Variants in GPC5 observed in about 807,000 individuals in gnomAD.
GPC5 encodes the protein glypican-5.
A neutral mutation model predicts 53.9 loss-of-function variants in GPC5; 47 were observed. The ratio of observed to expected loss-of-function variants is 0.87; its 90% CI spans 0.69 to 1.11. GPC5 has a LOEUF of 1.11. Ranked by LOEUF, GPC5 falls within the 50% of genes most tolerant of loss-of-function variation. The pLI, the probability that GPC5 is intolerant of heterozygous loss-of-function variation, is 0.00. For missense variants in GPC5, 748 were observed against 713.1 expected (o/e 1.05, Z -0.56); for synonymous variants, 286 against 263.3 (o/e 1.09, Z -0.84).
intron 2 of GPC5, among the ~76,000 whole-genome samples, chr13:91,499,057 A>C (rs1884474891): frequency 6.6e-6 from 1 of 152,136 alleles, no homozygotes; most frequent in African/African-American, 2.4e-5. Flanking sequence ...CAGAGGAATG[A>C]AAACAAATGA....
intron 7 of GPC5, among the ~76,000 whole-genome samples, chr13:92,748,211 A>C (rs1889285886): frequency 6.6e-6 from 1 of 151,860 alleles, no homozygotes. Flanking sequence ...CTCAGTACTT[A>C]CGGTAGTTTG....
chr13:91,662,070 CTA>C (rs751358965), intron 2 of GPC5, among the ~76,000 whole-genome samples: 5 of 151,934 alleles, frequency 3.3e-5, no homozygotes, highest in Admixed American at 6.6e-5. Flanking sequence ...GTATTTAAAG[CTA>C]TGAGATTGGA....
At chr13:92,777,441 T>A (rs1231987435) in intron 7 of GPC5, among the ~76,000 whole-genome samples, 3 of 151,436 alleles carry the variant, frequency 2.0e-5, no homozygotes, top group African/African-American at 7.3e-5. Flanking sequence ...GAGACTAGCC[T>A]GGCCATCATG....
At chr13:91,409,265 G>A (rs950285606) in intron 1 of GPC5, among the ~76,000 whole-genome samples, 1 of 152,008 alleles carries the variant, frequency 6.6e-6, no homozygotes, top group Non-Finnish European at 1.5e-5. Flanking sequence ...ACTCTAGGGG[G>A]AAAAAAGTCA....
rs1197637152 is a variant in GPC5, at chr13:91,453,710, GGAAT to G, written c.325+4802_325+4805del. Among the ~76,000 whole-genome samples, 10 of 151,426 alleles carry G rather than the reference GGAAT, an allele frequency of 6.6e-5. No individual in the cohort carries two copies. The East Asian group carries it at 1.7e-3, about 26-fold the overall frequency. ...TAAGTAAATTAACTATATGAATAAA[GGAAT>G]GAATGAATGAATGGTACTTAGCAAG... On this transcript the variant is annotated intron_variant, in intron 2 of 7. Coordinates refer to ENST00000377067, the MANE Select transcript of GPC5 (RefSeq NM_004466.6).
intron 7 of GPC5, among the ~76,000 whole-genome samples, chr13:92,632,327 C>T (rs1885266165): frequency 6.6e-6 from 1 of 151,874 alleles, no homozygotes; most frequent in African/African-American, 2.4e-5. Context: ...TTTCTAATAG[C>T]ATCTTCAAAA....
chr13:91,986,193 G>C (rs570059124), intron 6 of GPC5, among the ~76,000 whole-genome samples: 1 of 148,578 alleles, frequency 6.7e-6, no homozygotes, highest in Non-Finnish European at 1.5e-5. Context: ...AGCCTCCCGA[G>C]TATCTGGGAC....
intron 7 of GPC5, among the ~76,000 whole-genome samples, chr13:92,492,115 A>T (rs1252502030): frequency 6.6e-6 from 1 of 152,176 alleles, no homozygotes. Context: ...AACAATACAT[A>T]TAGAAGAAGC....
chr13:91,580,125 A>T (rs2032303238), intron 2 of GPC5, among the ~76,000 whole-genome samples: 1 of 152,174 alleles, frequency 6.6e-6, no homozygotes. Flanking sequence ...ATCGCGGCTC[A>T]CTGCAAGCTC....
chr13:92,817,272 A>C (rs1437715502), intron 7 of GPC5, among the ~76,000 whole-genome samples: 1 of 152,066 alleles, frequency 6.6e-6, no homozygotes, highest in Admixed American at 6.5e-5. Context: ...AGGAAAAAGT[A>C]GTATAAATCT....
chr13:91,579,032 C>T (rs564016748), intron 2 of GPC5, among the ~76,000 whole-genome samples: 9 of 152,192 alleles, frequency 5.9e-5, no homozygotes, highest in South Asian at 2.1e-4. Flanking sequence ...GGTGACAAAA[C>T]GAAACCCTGT....
intron 6 of GPC5, among the ~76,000 whole-genome samples, chr13:91,980,408 G>C (rs2040346338): frequency 6.6e-6 from 1 of 151,908 alleles, no homozygotes; most frequent in Non-Finnish European, 1.5e-5. Context: ...ACAATGCAAT[G>C]ACTTTTTACA....
intron 2 of GPC5, among the ~76,000 whole-genome samples, chr13:91,473,151 A>G (rs1362174461): frequency 6.6e-6 from 1 of 152,180 alleles, no homozygotes; most frequent in East Asian, 1.9e-4. Context: ...AAATCTCATG[A>G]GAACTCACTC....
chr13:91,469,694 C>A (rs1320699581), intron 2 of GPC5, among the ~76,000 whole-genome samples: 1 of 152,130 alleles, frequency 6.6e-6, no homozygotes, highest in Admixed American at 6.6e-5. Context: ...TGATTTACTG[C>A]ACTCAGAATT....
intron 7 of GPC5, among the ~76,000 whole-genome samples, chr13:92,398,962 C>T (rs1248470515): frequency 1.3e-5 from 2 of 152,122 alleles, no homozygotes; most frequent in East Asian, 3.9e-4. Context: ...CTCCCAGTAG[C>T]CTCTCATTTA....
At chr13:92,145,467 A>C (rs1009808701) in intron 7 of GPC5, among the ~76,000 whole-genome samples, 3 of 152,182 alleles carry the variant, frequency 2.0e-5, no homozygotes, top group Admixed American at 1.3e-4. Context: ...TTTAATGCTT[A>C]TGAATTTCCC....
intron 2 of GPC5, among the ~76,000 whole-genome samples, chr13:91,513,437 A>G (rs1885339434): frequency 6.6e-6 from 1 of 151,704 alleles, no homozygotes; most frequent in Non-Finnish European, 1.5e-5. Context: ...TTGACTCACC[A>G]CTGTTAAGAT....
At chr13:91,445,628 C>T (rs1296558947) in intron 1 of GPC5, among the ~76,000 whole-genome samples, 2 of 152,162 alleles carry the variant, frequency 1.3e-5, no homozygotes, top group African/African-American at 4.8e-5. Flanking sequence ...GTACATGCCA[C>T]CATGCCCAGC....
At chr13:92,470,719 T>A (rs577832860) in intron 7 of GPC5, among the ~76,000 whole-genome samples, 3 of 152,270 alleles carry the variant, frequency 2.0e-5, no homozygotes, top group African/African-American at 7.2e-5. Flanking sequence ...TTACTGTATG[T>A]CTGAAAAACA....
Sources: gnomAD v4.1 joint callset for allele counts (sites outside exome capture counted in the v4.1 genomes callset) on GRCh38, gnomAD v4.1.1 for gene constraint, MANE v1.5 for transcripts, NCBI Gene and HGNC (gene_info 2026-07-23, HGNC 2026-07-21) for gene names.